NRCAM: variants seen among roughly 807,000 people sequenced by gnomAD.
NRCAM encodes neuronal cell adhesion molecule.
NRCAM carries 83 observed loss-of-function variants against 156.5 expected under a neutral mutation model. The ratio of observed to expected loss-of-function variants is 0.53; its 90% CI spans 0.44 to 0.64. The LOEUF is 0.64. NRCAM is among the 30% of genes least tolerant of loss of function. The pLI is 0.00. For missense variants in NRCAM, 1,417 were observed against 1,597.3 expected (o/e 0.89, Z 1.92); for synonymous variants, 538 against 563.9 (o/e 0.95, Z 0.65).
chr7:108,425,719 T>C (rs1263750052), intron 1 of NRCAM, among the ~76,000 whole-genome samples: 2 of 152,216 alleles, frequency 1.3e-5, no homozygotes, highest in South Asian at 2.1e-4. Context: ...CATATTGACC[T>C]GTCTGGCTCT....
rs192961651 is a variant in NRCAM, at chr7:108,209,824, G to C, written c.891-219C>G. Among the ~76,000 whole-genome samples, 277 of 152,198 alleles carry C rather than the reference G, an allele frequency of 1.8e-3. 1 individual carries two copies. Among genetic ancestry groups the C allele is most frequent in the Non-Finnish European group, 2.2e-3 (147 of 68,008 alleles). On this transcript the variant is annotated intron_variant, in intron 11 of 32. Coordinates refer to ENST00000379028, the MANE Select transcript of NRCAM (RefSeq NM_001037132.4). ...TAATTGATGGCACACCATAAACTTCGATGTCAATGATACAGTATGAATGCC... is the reference window on the plus strand; with the variant it reads ...TAATTGATGGCACACCATAAACTTCCATGTCAATGATACAGTATGAATGCC...
intron 2 of NRCAM, among the ~76,000 whole-genome samples, chr7:108,332,041 T>G (rs1455897762): frequency 6.6e-6 from 1 of 152,244 alleles, no homozygotes; most frequent in Admixed American, 6.5e-5. Context: ...TGCTATGCTA[T>G]GCCAAGAAGC....
intron 11 of NRCAM, among the ~76,000 whole-genome samples, chr7:108,221,788 A>G (rs930283148): frequency 6.6e-6 from 1 of 152,134 alleles, no homozygotes; most frequent in Non-Finnish European, 1.5e-5. Context: ...AAATCTCACA[A>G]ATCACCACTA....
intron 2 of NRCAM, among the ~76,000 whole-genome samples, chr7:108,327,903 A>T (rs1353967858): frequency 6.6e-6 from 1 of 152,214 alleles, no homozygotes; most frequent in Non-Finnish European, 1.5e-5. Context: ...TACTATCCTC[A>T]AAAACATCAG....
At chr7:108,362,536 G>C (rs187185381) in intron 2 of NRCAM, among the ~76,000 whole-genome samples, 10 of 152,308 alleles carry the variant, frequency 6.6e-5, no homozygotes, top group Admixed American at 5.2e-4. Flanking sequence ...TGTTGGCAAA[G>C]CTGTATCCTA....
chr7:108,337,549 C>CA (rs1402008799), intron 2 of NRCAM, among the ~76,000 whole-genome samples: 1 of 152,212 alleles, frequency 6.6e-6, no homozygotes, highest in African/African-American at 2.4e-5. Flanking sequence ...ATTGTTCCTG[C>CA]ATGGCTAAGT....
intron 20 of NRCAM, among the ~76,000 whole-genome samples, chr7:108,187,950 G>A (rs1017814007): frequency 1.1e-4 from 16 of 151,338 alleles, no homozygotes; most frequent in South Asian, 8.3e-4. Context: ...GCGAGACTCC[G>A]TCTCAAAAAA....
At chr7:108,203,923 G>A (rs1277029879) in intron 13 of NRCAM, among the ~76,000 whole-genome samples, 1 of 152,156 alleles carries the variant, frequency 6.6e-6, no homozygotes, top group African/African-American at 2.4e-5. Flanking sequence ...TGAAGGCAAG[G>A]AGTCTTCATT....
chr7:108,297,497 T>A (rs1041268625), intron 3 of NRCAM, among the ~76,000 whole-genome samples: 4 of 152,238 alleles, frequency 2.6e-5, no homozygotes, highest in Admixed American at 6.5e-5. Flanking sequence ...ACTTTCATTA[T>A]CTGACAAAGA....
intron 32 of NRCAM, among the ~76,000 whole-genome samples, chr7:108,152,836 G>C (rs1396874037): frequency 1.3e-5 from 2 of 152,120 alleles, no homozygotes; most frequent in Non-Finnish European, 2.9e-5. Context: ...CTGTGACTTG[G>C]ACCAGAGTGG....
chr7:108,275,568 G>A (rs1002569749), intron 3 of NRCAM, among the ~76,000 whole-genome samples: 1 of 152,158 alleles, frequency 6.6e-6, no homozygotes. Context: ...TATTTCTGCG[G>A]GATCGATGGT....
chr7:108,348,757 T>C (rs1594610778), intron 2 of NRCAM, among the ~76,000 whole-genome samples: 1 of 151,378 alleles, frequency 6.6e-6, no homozygotes, highest in South Asian at 2.1e-4. Context: ...CCACTAAAAA[T>C]ACAAAAAATA....
At chr7:108,325,507 C>T (rs1447468698) in intron 2 of NRCAM, among the ~76,000 whole-genome samples, 1 of 151,910 alleles carries the variant, frequency 6.6e-6, no homozygotes, top group Non-Finnish European at 1.5e-5. Context: ...ACGTTGCTTT[C>T]CCCCTCATCT....
chr7:108,217,306 G>T (rs2089744117), intron 11 of NRCAM, among the ~76,000 whole-genome samples: 1 of 152,194 alleles, frequency 6.6e-6, no homozygotes, highest in African/African-American at 2.4e-5. Context: ...CATCCCAGAA[G>T]GGCACCTGCC....
At chr7:108,327,737 C>T (rs2099085026) in intron 2 of NRCAM, among the ~76,000 whole-genome samples, 1 of 152,170 alleles carries the variant, frequency 6.6e-6, no homozygotes, top group South Asian at 2.1e-4. Context: ...CTCTCATCCT[C>T]TTGACCACTG....
chr7:108,209,433 C>T lies in NRCAM; in HGVS notation c.1063G>A (p.Val355Ile), dbSNP rs1337426468. ...TTAAACAATATACCTTTAACTCTAA[C>T]AGAAATGGTATGGTGGATGGCTCCT... ...ALGAIHHTIS[V>I]RVKAAPYWIT... is the part of the protein sequence containing the mutation. Residue 355 changes from valine (V) to isoleucine (I), a missense_variant, in exon 12 of 33, where the codon GTT (valine) becomes ATT (isoleucine). Coordinates refer to ENST00000379028, the MANE Select transcript of NRCAM (RefSeq NM_001037132.4). 1 of 1,588,596 alleles carries T rather than the reference C, an allele frequency of 6.3e-7. No homozygotes were observed. The highest frequency in any genetic ancestry group is 1.4e-5 in the African/African-American group (1 of 73,720).
intron 13 of NRCAM, among the ~76,000 whole-genome samples, chr7:108,205,939 T>C (rs1376346822): frequency 2.0e-5 from 3 of 152,166 alleles, no homozygotes; most frequent in African/African-American, 4.8e-5. Context: ...TTTTCACTCA[T>C]ATTCCCCTGA....
intron 3 of NRCAM, among the ~76,000 whole-genome samples, chr7:108,296,051 C>T (rs949188202): frequency 5.3e-5 from 8 of 152,198 alleles, no homozygotes; most frequent in East Asian, 3.8e-4. Flanking sequence ...AAAGGCTATT[C>T]TTTGTTTCAC....
At chr7:108,166,058 G>C (rs1372635863) in intron 30 of NRCAM, among the ~76,000 whole-genome samples, 1 of 146,590 alleles carries the variant, frequency 6.8e-6, no homozygotes, top group East Asian at 2.0e-4. Context: ...TGCATATTTT[G>C]TTAATATTCA....
Sources: allele counts gnomAD v4.1 joint callset (sites outside exome capture counted in the v4.1 genomes callset), GRCh38; gene constraint gnomAD v4.1.1; transcripts MANE v1.5; gene names NCBI Gene and HGNC (gene_info 2026-07-23, HGNC 2026-07-21).